ADGRB3: variants seen among roughly 807,000 people sequenced by gnomAD.
ADGRB3 encodes brain-specific angiogenesis inhibitor 3.
In ADGRB3, 37 loss-of-function variants were observed where a neutral mutation model predicts 193.4. That is an observed-to-expected ratio of 0.19 (90% CI 0.15 to 0.25). ADGRB3 has a LOEUF of 0.25. Among genes scored for constraint, ADGRB3 ranks in the 10% least tolerant of loss-of-function variants. The pLI is 1.00. For missense variants in ADGRB3, 1,637 were observed against 1,852.9 expected (o/e 0.88, Z 2.14); for synonymous variants, 690 against 644.2 (o/e 1.07, Z -1.08).
chr6:69,291,227 C>T (rs926493478), intron 20 of ADGRB3, among the ~76,000 whole-genome samples: 18 of 151,930 alleles, frequency 1.2e-4, no homozygotes, highest in African/African-American at 4.1e-4. Context: ...CAATAATGCT[C>T]ACTTTATTAT....
At chr6:69,262,980 G>T (rs187867249) in intron 20 of ADGRB3, among the ~76,000 whole-genome samples, 3 of 151,758 alleles carry the variant, frequency 2.0e-5, no homozygotes, top group Non-Finnish European at 4.4e-5. Flanking sequence ...TTGCATTTCC[G>T]CAAAAAGGAA....
At chr6:68,742,054 G>GA (rs1418023217) in intron 3 of ADGRB3, among the ~76,000 whole-genome samples, 1 of 152,108 alleles carries the variant, frequency 6.6e-6, no homozygotes, top group Non-Finnish European at 1.5e-5. Flanking sequence ...AAAATATGAA[G>GA]AAAACTACAT....
At chr6:69,171,068 C>A (rs1422915258) in intron 17 of ADGRB3, among the ~76,000 whole-genome samples, 1 of 151,958 alleles carries the variant, frequency 6.6e-6, no homozygotes, top group Non-Finnish European at 1.5e-5. Context: ...TTATTTAACC[C>A]AATATATCTA....
At position 69,179,758 on chromosome 6, in the gene ADGRB3, A is replaced by G. The variant is rs146592603; in HGVS notation, c.2481-53532A>G. On this transcript the variant is annotated intron_variant, in intron 17 of 31. Transcript: ENST00000370598. ...TTTTTGGCTTGGCTTCTGTAGCCCT[A>G]TGTACTTCTGTCAGCAGGTTTTATA... 4.6e-3 allele frequency among the ~76,000 whole-genome samples: 693 copies of G among 152,128 alleles called. 9 individuals are homozygous for G. The highest frequency in any genetic ancestry group is 0.016 in the African/African-American group (660 of 41,504).
intron 26 of ADGRB3, among the ~76,000 whole-genome samples, chr6:69,341,306 T>C (rs1375935433): frequency 6.6e-6 from 1 of 152,214 alleles, no homozygotes; most frequent in Non-Finnish European, 1.5e-5. Context: ...ATGATCGCCT[T>C]TCTAACTGGC....
chr6:68,958,440 A>G (rs997896509), intron 8 of ADGRB3, among the ~76,000 whole-genome samples: 1 of 151,998 alleles, frequency 6.6e-6, no homozygotes, highest in Non-Finnish European at 1.5e-5. Context: ...TCAATATTTG[A>G]TGTTATCTAA....
chr6:69,039,886 C>A (rs567198292), intron 13 of ADGRB3, among the ~76,000 whole-genome samples: 1 of 151,480 alleles, frequency 6.6e-6, no homozygotes, highest in Non-Finnish European at 1.5e-5. Context: ...GGACTACAGG[C>A]GCGTGCCACC....
chr6:68,828,266 A>T (rs1331257465), intron 3 of ADGRB3, among the ~76,000 whole-genome samples: 1 of 152,266 alleles, frequency 6.6e-6, no homozygotes, highest in East Asian at 1.9e-4. Flanking sequence ...TGCTGGCTGG[A>T]TAACATATTT....
chr6:69,072,816 A>G (rs1188428580), intron 16 of ADGRB3, among the ~76,000 whole-genome samples: 1 of 152,224 alleles, frequency 6.6e-6, no homozygotes, highest in Non-Finnish European at 1.5e-5. Context: ...AGGTAAATAT[A>G]GCATAACTTT....
intron 9 of ADGRB3, 119 bp from the exon 10 acceptor site, chr6:68,975,115 T>A: frequency 1.3e-6 from 1 of 773,954 alleles, no homozygotes; most frequent in East Asian, 2.7e-5. Context: ...ATCAATTTCA[T>A]GTGCATGTTT....
intron 17 of ADGRB3, among the ~76,000 whole-genome samples, chr6:69,118,421 C>T (rs1405396097): frequency 1.3e-5 from 2 of 150,086 alleles, no homozygotes; most frequent in Non-Finnish European, 3.0e-5. Flanking sequence ...AAGATGCCTA[C>T]AAGAGATAAA....
At chr6:69,104,489 A>G (rs146019537) in intron 17 of ADGRB3, among the ~76,000 whole-genome samples, 271 of 152,022 alleles carry the variant, frequency 1.8e-3, no homozygotes, top group African/African-American at 6.4e-3. Context: ...TAATGCCGCA[A>G]TGGTTCAGGA....
intron 13 of ADGRB3, among the ~76,000 whole-genome samples, chr6:69,026,883 G>A (rs1324965124): frequency 6.6e-6 from 1 of 152,142 alleles, no homozygotes; most frequent in Non-Finnish European, 1.5e-5. Flanking sequence ...AATGAATGGA[G>A]CGTACAGGAC....
intron 3 of ADGRB3, among the ~76,000 whole-genome samples, chr6:68,859,626 C>A (rs1209496799): frequency 6.6e-6 from 1 of 152,156 alleles, no homozygotes; most frequent in Non-Finnish European, 1.5e-5. Context: ...TAGGGGACCT[C>A]CCCTTTATAA....
intron 17 of ADGRB3, among the ~76,000 whole-genome samples, chr6:69,194,022 C>T (rs533907821): frequency 6.6e-6 from 1 of 152,156 alleles, no homozygotes; most frequent in South Asian, 2.1e-4. Context: ...AAGTTTTCCT[C>T]TCCCTTTCTC....
chr6:68,956,432 A>G (rs1434220286), intron 7 of ADGRB3, among the ~76,000 whole-genome samples: 1 of 152,132 alleles, frequency 6.6e-6, no homozygotes, highest in African/African-American at 2.4e-5. Context: ...AATACATTTG[A>G]GGAAGTTTAG....
intron 15 of ADGRB3, among the ~76,000 whole-genome samples, chr6:69,062,074 T>G (rs1771765642): frequency 6.6e-6 from 1 of 152,024 alleles, no homozygotes; most frequent in African/African-American, 2.4e-5. Flanking sequence ...TGTGGTTTAT[T>G]ATTTCACAAT....
chr6:68,715,705 C>G (rs947466655), intron 3 of ADGRB3, among the ~76,000 whole-genome samples: 2 of 151,782 alleles, frequency 1.3e-5, no homozygotes, highest in Non-Finnish European at 2.9e-5. Flanking sequence ...GCTTTACATA[C>G]ATGCTAATTC....
intron 3 of ADGRB3, among the ~76,000 whole-genome samples, chr6:68,909,278 A>G (rs1766633223): frequency 6.6e-6 from 1 of 152,138 alleles, no homozygotes; most frequent in South Asian, 2.1e-4. Flanking sequence ...ATTTTCTATT[A>G]TGAACTTGAA....
Sources: gnomAD v4.1 joint callset for allele counts (sites outside exome capture counted in the v4.1 genomes callset) on GRCh38, gnomAD v4.1.1 for gene constraint, MANE v1.5 for transcripts, NCBI Gene and HGNC (gene_info 2026-07-23, HGNC 2026-07-21) for gene names.